CUL7: variants seen among roughly 807,000 people sequenced by gnomAD.
The protein encoded by CUL7 is cullin-7.
Under a neutral mutation model 177.7 loss-of-function variants are expected in CUL7, and 96 were observed. The ratio of observed to expected loss-of-function variants is 0.54; its 90% confidence interval spans 0.46 to 0.64. CUL7 has a LOEUF of 0.64. Ranked by LOEUF, CUL7 falls within the 30% of genes least tolerant of loss-of-function variation. CUL7 has a pLI of 0.00. For synonymous variants in CUL7, 824 were observed against 890.2 expected (o/e 0.93, Z 1.32); for missense variants, 1,893 against 2,187.9 (o/e 0.87, Z 2.69).
In CUL7 at chr6:43,053,724, G is replaced by A. The variant is rs992559854; in HGVS notation, c.-111C>T. On this transcript the variant is annotated 5_prime_UTR_variant, in exon 1 of 26. Coordinates refer to ENST00000265348, the MANE Select transcript of CUL7 (RefSeq NM_014780.5). This position sits in a 1 kb window ranked among gnomAD's most constrained non-coding sequence, Gnocchi z 4.1. ...CTTGGGCCCCACCTGGGCCCCGCGA[G>A]GGGGTCGAGACGGAGAGACGGGAGG... 6.9e-7 allele frequency: 1 copy of A among 1,454,236 alleles called. No homozygotes were observed. The allele number at this position is 1,454,236 out of a possible 1,614,324, so 90.1% of individuals were successfully genotyped here. A position where few individuals can be genotyped will look rare whatever the true frequency, so the allele number is the denominator to read the frequency against.
chr6:43,046,184 G>A, intron 12 of CUL7, 52 bp downstream of exon 12: 1 of 1,613,690 alleles, frequency 6.2e-7, no homozygotes, highest in Non-Finnish European at 8.5e-7. Flanking sequence ...AAACACAGGG[G>A]CGTCACAGGA....
intron 6 of CUL7, 147 bp downstream of exon 6, chr6:43,049,816 C>T (rs1037964120): frequency 4.4e-5 from 59 of 1,346,804 alleles, no homozygotes; most frequent in South Asian, 3.7e-4. Flanking sequence ...GCTCACCCTC[C>T]CACCTCTGAA....
chr6:43,050,029 G>C lies in CUL7; in HGVS notation c.1503C>G (p.Ile501Met). 6.2e-7 allele frequency: 1 copy of C among 1,614,176 alleles called. No individual in the cohort carries two copies. Among genetic ancestry groups the C allele is most frequent in the Non-Finnish European group, 8.5e-7 (1 of 1,180,028 alleles). ...LAEWWELLFF[I>M]KKLDGPDHQE... ...GATGGTCAGGTCCATCCAGCTTCTT[G>C]ATGAAGAAGAGGAGTTCCCACCACT... is the stretch of plus-strand genomic sequence containing the variant. Residue 501 changes from isoleucine to methionine, a missense_variant, in exon 6 of 26, where the codon ATC (isoleucine) becomes ATG (methionine). This residue lies in a region of CUL7 where 653 missense variants were observed against 725.2 expected (regional missense o/e 0.90). Coordinates refer to ENST00000265348, the MANE Select transcript of CUL7 (RefSeq NM_014780.5). The surrounding 1 kb of genome is among the most constrained non-coding windows in gnomAD (Gnocchi z 4.1).
In CUL7 at chr6:43,037,718, A is replaced by G; in HGVS notation, c.5067T>C (p.Thr1689=). The part of the protein sequence containing the change: ...RSRGVPYASC[T]ATQSFSTFR Reference sequence around the variant, plus strand: ...GGAAGGTAGAGAAGCTCTGGGTGGCAGTGCAGGAGGCATAGGGCACACCCC... The same window carrying G: ...GGAAGGTAGAGAAGCTCTGGGTGGCGGTGCAGGAGGCATAGGGCACACCCC... The change falls in exon 26 of 26, where the codon ACT becomes ACC. Residue 1689 remains threonine, a synonymous_variant. Coordinates refer to ENST00000265348, the MANE Select transcript of CUL7 (RefSeq NM_014780.5). 6.4e-7 allele frequency: 1 copy of G among 1,562,042 alleles called. No homozygotes were observed. The highest frequency in any genetic ancestry group is 8.7e-7 in the Non-Finnish European group (1 of 1,152,782).
In CUL7 at chr6:43,040,516, T is replaced by TC. The variant is rs1561874411; in HGVS notation, c.4023+13dup. On this transcript the variant is annotated intron_variant, in intron 21 of 25. Coordinates refer to ENST00000265348, the MANE Select transcript of CUL7 (RefSeq NM_014780.5). The surrounding 1 kb of genome is among the most constrained non-coding windows in gnomAD (Gnocchi z 4.2). ...CCTACCCTCTTATTTGCTTATCCCT[T>TC]CCAAGGCACTCACCTGTATTTTCTT... The TC allele has an allele frequency of 1.9e-6, 3 of 1,613,808 alleles. No homozygotes were observed.
rs886061422 is a variant in CUL7 at position 43,052,628 on chromosome 6, C to A, written c.161G>T (p.Gly54Val). The stretch of plus-strand genomic sequence containing the variant: ...AGCCTTGCAGTCCACTTGGCCAGAG[C>A]CCCCGTCCCCCTCATCGCCACGCCG... Reference protein sequence around the residue: ...ILRRGDEGDGGSGQVDCKAEH... With the variant: ...ILRRGDEGDGVSGQVDCKAEH... Residue 54 changes from glycine to valine, a missense_variant, in exon 2 of 26, where the codon GGC becomes GTC. Transcript: ENST00000265348. The surrounding 1 kb of genome is among the most constrained non-coding windows in gnomAD (Gnocchi z 4.5). 1.5e-5 allele frequency: 25 copies of A among 1,614,236 alleles called. No homozygotes were observed. The highest frequency in any genetic ancestry group is 2.1e-5 in the Non-Finnish European group (25 of 1,180,044).
In CUL7 at chr6:43,044,807, G is replaced by C; in HGVS notation, c.3117C>G (p.Gly1039=). Reference sequence around the variant, plus strand: ...TGACCAGGGCCTCCCAGCAGGTCTTGCCCAGAGCTTGGGCAGCCTCGTCAT... The same window carrying C: ...TGACCAGGGCCTCCCAGCAGGTCTTCCCCAGAGCTTGGGCAGCCTCGTCAT... ...LPDDEAAQAL[G]KTCWEALVSP... is the part of the protein sequence containing the mutation. The change falls in exon 16 of 26, where the codon GGC becomes GGG. Residue 1039 remains glycine, a synonymous_variant. Coordinates refer to ENST00000265348, the MANE Select transcript of CUL7 (RefSeq NM_014780.5). The C allele has an allele frequency of 6.2e-7, 1 of 1,613,936 alleles. No individual in the cohort carries two copies. Among genetic ancestry groups the C allele is most frequent in the Non-Finnish European group, 8.5e-7 (1 of 1,179,816 alleles).
Position 43,040,157 on chromosome 6 carries a change from CTT to C in CUL7, c.4291_4292del (p.Lys1431GlufsTer8). On this transcript the variant is annotated frameshift_variant and splice_region_variant, in exon 22 of 26. Coordinates refer to ENST00000265348, the MANE Select transcript of CUL7 (RefSeq NM_014780.5). LOFTEE classifies it high-confidence loss of function. The surrounding 1 kb of genome is among the most constrained non-coding windows in gnomAD (Gnocchi z 4.2). ...CAGTCCCTCTGCCTGGCTGCTCACTCTTGTTGTAGAAGTTGGAGTATCTGTTC... is the reference window on the plus strand; with the variant it reads ...CAGTCCCTCTGCCTGGCTGCTCACTCGTTGTAGAAGTTGGAGTATCTGTTC... ...TLNRYSNFYNKSQSHPALERG... is the reference protein window; with the variant it reads ...TLNRYSNFYNXSQSHPALERG... 1.9e-6 allele frequency: 3 copies of C among 1,614,184 alleles called. No individual in the cohort carries two copies. The highest frequency in any genetic ancestry group is 1.7e-6 in the Non-Finnish European group (2 of 1,180,028).
At chr6:43,047,276 C>T (rs1341172425) in intron 9 of CUL7, among the ~76,000 whole-genome samples, 169 bp from the exon 10 acceptor site, 1 of 152,124 alleles carries the variant, frequency 6.6e-6, no homozygotes, top group African/African-American at 2.4e-5. Context: ...ACACAAGAGC[C>T]AGGTGGTTAG....
chr6:43,042,040 A>G (rs1488221954), intron 19 of CUL7, among the ~76,000 whole-genome samples: 5 of 144,472 alleles, frequency 3.5e-5, no homozygotes, highest in African/African-American at 1.3e-4. Context: ...AGAAAGAAAG[A>G]GAGAAGGAAA....
At position 43,053,719 on chromosome 6, in the gene CUL7, C is replaced by T. The variant is rs1342361599; in HGVS notation, c.-106G>A. On this transcript the variant is annotated 5_prime_UTR_variant, in exon 1 of 26. Transcript: ENST00000265348. This position sits in a 1 kb window ranked among gnomAD's most constrained non-coding sequence, Gnocchi z 4.1. Reference sequence around the variant, plus strand: ...GGCGACTTGGGCCCCACCTGGGCCCCGCGAGGGGGTCGAGACGGAGAGACG... The same window carrying T: ...GGCGACTTGGGCCCCACCTGGGCCCTGCGAGGGGGTCGAGACGGAGAGACG... 46 of 1,447,990 alleles carry T rather than the reference C, an allele frequency of 3.2e-5. No individual in the cohort carries two copies. Among genetic ancestry groups the T allele is most frequent in the Non-Finnish European group, 4.0e-5 (44 of 1,103,826 alleles). 89.7% of individuals were successfully genotyped at this position (1,447,990 alleles called of 1,614,324 possible).
At chr6:43,048,126 C>T (rs749141103) in intron 9 of CUL7, 22 bp downstream of exon 9, 2 of 1,545,552 alleles carry the variant, frequency 1.3e-6, no homozygotes, top group South Asian at 1.1e-5. Context: ...CCCAGCCTCT[C>T]CCCAGAGCAG....
In CUL7 at chr6:43,045,998, C is replaced by T. The variant is rs138777262; in HGVS notation, c.2754G>A (p.Thr918=). 476 of 1,613,730 alleles carry T rather than the reference C, an allele frequency of 2.9e-4. 2 individuals carry two copies. The highest frequency in any genetic ancestry group is 2.1e-3 in the Middle Eastern group (13 of 6,062). The change falls in exon 13 of 26, where the codon ACG becomes ACA. Residue 918 remains threonine, a synonymous_variant. Coordinates refer to ENST00000265348, the MANE Select transcript of CUL7 (RefSeq NM_014780.5). This position sits in a 1 kb window ranked among gnomAD's most constrained non-coding sequence, Gnocchi z 4.8. Reference sequence around the variant, plus strand: ...CCTGGGGTCCTACCGAGTTGAGTTCCGTGTGAAGAGAGCTAGTGCTATCAC... The same window carrying T: ...CCTGGGGTCCTACCGAGTTGAGTTCTGTGTGAAGAGAGCTAGTGCTATCAC... ...CGGDSTSSLH[T]ELNSVNVMPS...
Position 43,042,949 on chromosome 6 carries a change from A to C in CUL7, c.3498T>G (p.Asp1166Glu). 6.2e-7 allele frequency: 1 copy of C among 1,614,164 alleles called. No individual in the cohort carries two copies. The highest frequency in any genetic ancestry group is 1.1e-5 in the South Asian group (1 of 91,084). The change falls in exon 19 of 26, where the codon GAT becomes GAG. Residue 1166 changes from aspartate to glutamate, a missense_variant. By Grantham distance (45) the Asp-to-Glu change is conservative. Coordinates refer to ENST00000265348, the MANE Select transcript of CUL7 (RefSeq NM_014780.5). ...GCTCACAGTAGCGTGGCACAAAGTC[A>C]TCATCCCGCCAGGATGAGGTCAGAA... ...NNFLTSSWRDDDFVPRYCEHF... is the reference protein window; with the variant it reads ...NNFLTSSWRDEDFVPRYCEHF...
At chr6:43,046,151 G>C in intron 12 of CUL7, 60 bp from the exon 13 acceptor site, 3 of 1,611,278 alleles carry the variant, frequency 1.9e-6, no homozygotes, top group Non-Finnish European at 1.7e-6. Context: ...GCCAAGTCCA[G>C]GGGGTGGTGC....
Position 43,043,139 on chromosome 6 carries a change from G to A in CUL7, c.3397C>T (p.Arg1133Trp), listed in dbSNP as rs1166711922. Residue 1133 changes from arginine to tryptophan, a missense_variant, in exon 18 of 26, where the codon CGG (arginine) becomes TGG (tryptophan). Arg to Trp is a moderately radical substitution (Grantham distance 101). This residue lies in a region of CUL7 where 973 missense variants were observed against 1,140.9 expected (regional missense o/e 0.85). Transcript: ENST00000265348. This position sits in a 1 kb window ranked among gnomAD's most constrained non-coding sequence, Gnocchi z 4.2. ...CTCATGATGCTGCTTGGAAGGCCCC[G>A]GGTAGCCAAGGAGCTCCAGTCGTGG... ...RSHDWSSLAT[R>W]GLPSSIMRNL... 7 of 1,613,914 alleles carry A rather than the reference G, an allele frequency of 4.3e-6. No individual in the cohort carries two copies. The highest frequency in any genetic ancestry group is 2.7e-5 in the African/African-American group (2 of 74,910).
At position 43,053,478 on chromosome 6, in the gene CUL7, T is replaced by C. The variant is rs1245833319; in HGVS notation, c.-9+144A>G. 2.0e-6 allele frequency: 1 copy of C among 508,520 alleles called. No homozygotes were observed. Among genetic ancestry groups the C allele is most frequent in the Admixed American group, 3.9e-5 (1 of 25,630 alleles). 31.5% of individuals were successfully genotyped at this position (508,520 alleles called of 1,614,324 possible). Reference sequence around the variant, plus strand: ...GACTGGAGAAGCCAGGGGCGCGCGGTAAGGTGGGGGAGAGGGGATTAGGCC... The same window carrying C: ...GACTGGAGAAGCCAGGGGCGCGCGGCAAGGTGGGGGAGAGGGGATTAGGCC... On this transcript the variant is annotated intron_variant, in intron 1 of 25. Coordinates refer to ENST00000265348, the MANE Select transcript of CUL7 (RefSeq NM_014780.5). This position sits in a 1 kb window ranked among gnomAD's most constrained non-coding sequence, Gnocchi z 4.1.
At chr6:43,048,972 C>T (rs529854551) in intron 7 of CUL7, among the ~76,000 whole-genome samples, 3 of 151,882 alleles carry the variant, frequency 2.0e-5, no homozygotes, top group African/African-American at 4.8e-5. Context: ...CGGGGTTTCA[C>T]CATGTTAGGC....
rs1763855963 is a variant in CUL7, at chr6:43,045,860, A to C, written c.2766+126T>G. ...CCTGGTGGCACAAGCACAGGGATAA[A>C]GGACACTACTTTCTGTGGGGCTCAA... On this transcript the variant is annotated intron_variant, in intron 13 of 25. Coordinates refer to ENST00000265348, the MANE Select transcript of CUL7 (RefSeq NM_014780.5). The surrounding 1 kb of genome is among the most constrained non-coding windows in gnomAD (Gnocchi z 4.8). The C allele has an allele frequency of 9.3e-7, 1 of 1,072,002 alleles. No individual in the cohort carries two copies. The highest frequency in any genetic ancestry group is 1.4e-6 in the Non-Finnish European group (1 of 708,134). The allele number at this position is 1,072,002 out of a possible 1,614,324, so 66.4% of individuals were successfully genotyped here.
Sources: allele counts gnomAD v4.1 joint callset (sites outside exome capture counted in the v4.1 genomes callset), GRCh38; gene constraint gnomAD v4.1.1; regional missense constraint gnomAD v4.1.1; non-coding constraint Gnocchi (gnomAD v3.1); transcripts MANE v1.5; gene names NCBI Gene and HGNC (gene_info 2026-07-23, HGNC 2026-07-21).